The following PRKG1 variants were observed in gnomAD, a reference collection of about 807,000 sequenced individuals.
PRKG1 encodes the protein protein kinase cGMP-dependent 1.
Under a neutral mutation model 88.1 loss-of-function variants are expected in PRKG1, and 35 were observed. The observed-to-expected ratio is 0.40, with a 90% CI of 0.30 to 0.53. The LOEUF (loss-of-function observed/expected upper bound fraction) is 0.53, where lower values mean the gene tolerates loss of function less well. PRKG1 is among the 20% of genes least tolerant of loss of function. The probability of loss-of-function intolerance (pLI) is 0.59; values close to 1 mark genes in which losing one functional copy is unlikely to be tolerated. For synonymous variants in PRKG1, 303 were observed against 292.5 expected, an observed-to-expected ratio of 1.04 and a Z score of -0.37; for missense variants, 540 against 839.8, an observed-to-expected ratio of 0.64 and a Z score of 4.41.
At chr10:51,008,211 C>G (rs1842959624) in intron 1 of PRKG1, among the ~76,000 whole-genome samples, 1 of 152,182 alleles carries the variant, frequency 6.6e-6, no homozygotes, top group African/African-American at 2.4e-5. Flanking sequence ...AGGCCCATCT[C>G]CAAAGATTCT....
At chr10:51,701,734 A>C (rs987979036) in intron 3 of PRKG1, among the ~76,000 whole-genome samples, 7 of 126,484 alleles carry the variant, frequency 5.5e-5, no homozygotes, top group Non-Finnish European at 1.2e-4. Flanking sequence ...GTGTGTATTA[A>C]ATGTAGTAAT....
intron 2 of PRKG1, among the ~76,000 whole-genome samples, chr10:51,294,368 T>C (rs1253944844): frequency 2.6e-5 from 4 of 152,198 alleles, no homozygotes; most frequent in African/African-American, 9.6e-5. Flanking sequence ...CTTAAGTCTT[T>C]AGTTCATTTT....
intron 3 of PRKG1, among the ~76,000 whole-genome samples, chr10:51,486,697 G>C (rs910013083): frequency 6.6e-6 from 1 of 152,032 alleles, no homozygotes; most frequent in Non-Finnish European, 1.5e-5. Context: ...CTTTTCAAGC[G>C]ACTGCTGAGT....
chr10:51,577,566 A>G (rs755019532), intron 3 of PRKG1, among the ~76,000 whole-genome samples: 3 of 152,050 alleles, frequency 2.0e-5, no homozygotes, highest in Non-Finnish European at 4.4e-5. Context: ...GATCTAGATA[A>G]GTAGTTTTGA....
intron 9 of PRKG1, among the ~76,000 whole-genome samples, chr10:52,190,448 G>T (rs1839333082): frequency 6.6e-6 from 1 of 152,084 alleles, no homozygotes; most frequent in Admixed American, 6.5e-5. Flanking sequence ...TAATAAATAT[G>T]AATATGGTGA....
At chr10:52,027,228 C>T (rs978446744) in intron 5 of PRKG1, among the ~76,000 whole-genome samples, 2 of 152,060 alleles carry the variant, frequency 1.3e-5, no homozygotes, top group African/African-American at 2.4e-5. Context: ...GGGTGCAAGC[C>T]TGATGGATAG....
At chr10:51,149,789 CATG>C (rs1846021972) in intron 1 of PRKG1, among the ~76,000 whole-genome samples, 1 of 152,050 alleles carries the variant, frequency 6.6e-6, no homozygotes, top group Non-Finnish European at 1.5e-5. Flanking sequence ...GTTGATTTTG[CATG>C]AAAGCTTGAA....
At chr10:52,278,837 A>T (rs1453006026) in intron 12 of PRKG1, among the ~76,000 whole-genome samples, 2 of 149,058 alleles carry the variant, frequency 1.3e-5, no homozygotes, top group East Asian at 2.0e-4. Flanking sequence ...CAGGAGGCTG[A>T]GGTTGCAGTG....
chr10:51,742,578 T>C (rs1055626130), intron 3 of PRKG1, among the ~76,000 whole-genome samples: 14 of 152,164 alleles, frequency 9.2e-5, no homozygotes, highest in Non-Finnish European at 5.9e-5. Context: ...GAACTGGTTG[T>C]CTCACATCAT....
intron 2 of PRKG1, among the ~76,000 whole-genome samples, chr10:51,247,104 A>G (rs532037877): frequency 6.6e-6 from 1 of 152,122 alleles, no homozygotes; most frequent in East Asian, 1.9e-4. Context: ...TAATAAATGT[A>G]TGGTTCTCAC....
At chr10:51,157,591 G>A (rs1188901322) in intron 2 of PRKG1, among the ~76,000 whole-genome samples, 1 of 151,704 alleles carries the variant, frequency 6.6e-6, no homozygotes, top group Non-Finnish European at 1.5e-5. Flanking sequence ...ATTATTTGGG[G>A]TGAATTTTAC....
intron 1 of PRKG1, among the ~76,000 whole-genome samples, chr10:51,142,938 C>G (rs1845855977): frequency 6.6e-6 from 1 of 151,980 alleles, no homozygotes. Flanking sequence ...TTAAATCTAC[C>G]TAATTAACAA....
At chr10:51,376,285 AT>A (rs2132619549) in intron 2 of PRKG1, among the ~76,000 whole-genome samples, 1 of 152,268 alleles carries the variant, frequency 6.6e-6, no homozygotes, top group Non-Finnish European at 1.5e-5. Flanking sequence ...TCTAGCTTAC[AT>A]TTTTTACAGT....
At chr10:51,813,959 T>G (rs1213096774) in intron 4 of PRKG1, among the ~76,000 whole-genome samples, 2 of 152,168 alleles carry the variant, frequency 1.3e-5, no homozygotes, top group Non-Finnish European at 2.9e-5. Context: ...ATAGGCTCAG[T>G]GAAGGGGCTT....
At chr10:52,069,689 G>A (rs559024748) in intron 7 of PRKG1, among the ~76,000 whole-genome samples, 33 of 151,866 alleles carry the variant, frequency 2.2e-4, no homozygotes, top group Non-Finnish European at 4.4e-4. Context: ...TATCCCACCC[G>A]CGTACTTCCT....
At chr10:51,182,125 G>T (rs1837364209) in intron 2 of PRKG1, among the ~76,000 whole-genome samples, 1 of 152,092 alleles carries the variant, frequency 6.6e-6, no homozygotes, top group Admixed American at 6.5e-5. Flanking sequence ...CATACCTCTG[G>T]TATATAACAC....
chr10:52,106,632 A>T (rs1273972228), intron 7 of PRKG1, among the ~76,000 whole-genome samples: 1 of 151,446 alleles, frequency 6.6e-6, no homozygotes, highest in Non-Finnish European at 1.5e-5. Flanking sequence ...TTATTCCGGG[A>T]GGTGGAGCTT....
At chr10:51,101,512 G>A (rs1488484610) in intron 1 of PRKG1, among the ~76,000 whole-genome samples, 2 of 152,104 alleles carry the variant, frequency 1.3e-5, no homozygotes, top group Non-Finnish European at 2.9e-5. Context: ...CTCATGTTTT[G>A]AGAACTTTGT....
chr10:51,337,275 G>T (rs967863135), intron 2 of PRKG1, among the ~76,000 whole-genome samples: 1 of 152,150 alleles, frequency 6.6e-6, no homozygotes, highest in African/African-American at 2.4e-5. Context: ...ATGGATTAAA[G>T]ACTTAAATGT....
Sources: allele counts gnomAD v4.1 joint callset (sites outside exome capture counted in the v4.1 genomes callset), GRCh38; gene constraint gnomAD v4.1.1; transcripts MANE v1.5; gene names NCBI Gene and HGNC (gene_info 2026-07-23, HGNC 2026-07-21).